The following PARP4 variants were observed in gnomAD, a reference collection of about 807,000 sequenced individuals.
The protein encoded by PARP4 is poly(ADP-ribose) polymerase family member 4.
A neutral mutation model predicts 187.7 loss-of-function variants in PARP4; 120 were observed. The ratio of observed to expected loss-of-function variants is 0.64; its 90% CI spans 0.55 to 0.74. The LOEUF (loss-of-function observed/expected upper bound fraction) is 0.74. Ranked by LOEUF, PARP4 falls within the 30% of genes least tolerant of loss-of-function variation. The pLI, the probability that PARP4 is intolerant of heterozygous loss-of-function variation, is 0.00. For missense variants in PARP4, 1,836 were observed against 2,070.5 expected, an observed-to-expected ratio of 0.89 and a Z score of 2.20; for synonymous variants, 654 against 740.9, an observed-to-expected ratio of 0.88 and a Z score of 1.90.
chr13:24,471,915 A>G (rs1226405923), intron 15 of PARP4, among the ~76,000 whole-genome samples: 1 of 152,218 alleles, frequency 6.6e-6, no homozygotes, highest in Admixed American at 6.5e-5. Flanking sequence ...CATTTTACAC[A>G]TGAGGAAAAC....
At position 24,477,667 on chromosome 13, in the gene PARP4, T is replaced by C. The variant is rs202159935; in HGVS notation, c.1789+34A>G. ...TAACATTTGAGGTCTATAAATATAA[T>C]AACATAAAACAGCATTCAAGAAAAT... On this transcript the variant is annotated intron_variant, in intron 14 of 33. Coordinates refer to ENST00000381989, the MANE Select transcript of PARP4 (RefSeq NM_006437.4). 2.0e-3 allele frequency: 2,442 copies of C among 1,230,922 alleles called. 11 individuals carry two copies. Among genetic ancestry groups the C allele is most frequent in the Middle Eastern group, 8.0e-3 (42 of 5,222 alleles). 76.2% of individuals were successfully genotyped at this position (1,230,922 alleles called of 1,614,324 possible). A position where few individuals can be genotyped will look rare whatever the true frequency, so the allele number is the denominator to read the frequency against.
chr13:24,462,829 A>C lies in PARP4; in HGVS notation c.2134-2693T>G, dbSNP rs1421651797. 3.9e-5 allele frequency among the ~76,000 whole-genome samples: 6 copies of C among 152,098 alleles called. No individual in the cohort carries two copies. The East Asian group carries it at 1.2e-3, about 29-fold the overall frequency. On this transcript the variant is annotated intron_variant, in intron 17 of 33. Transcript: ENST00000381989. ...GAATGAATGAACTTGAACCTAGGTC[A>C]ATAGAAATTATCCAAAATAAAATGC...
chr13:24,511,157 G>A (rs1202481775), intron 1 of PARP4, among the ~76,000 whole-genome samples: 1 of 152,170 alleles, frequency 6.6e-6, no homozygotes, highest in Non-Finnish European at 1.5e-5. Flanking sequence ...GGGAGGTATG[G>A]AAAGGCGCAC....
At position 24,477,687 on chromosome 13, in the gene PARP4, GA is replaced by G; in HGVS notation, c.1789+13del. ...TATAATAACATAAAACAGCATTCAA[GA>G]AAATTGTCCTACCTTCAACCTTTGA... On this transcript the variant is annotated intron_variant, in intron 14 of 33. Coordinates refer to ENST00000381989, the MANE Select transcript of PARP4 (RefSeq NM_006437.4). 1 of 1,462,976 alleles carries G rather than the reference GA, an allele frequency of 6.8e-7. No homozygotes were observed. Among genetic ancestry groups the G allele is most frequent in the Non-Finnish European group, 9.4e-7 (1 of 1,065,890 alleles). The allele number at this position is 1,462,976 out of a possible 1,614,324, so 90.6% of individuals were successfully genotyped here.
At chr13:24,511,101 T>C (rs1008638442) in intron 1 of PARP4, among the ~76,000 whole-genome samples, 1 of 152,120 alleles carries the variant, frequency 6.6e-6, no homozygotes, top group East Asian at 1.9e-4. Flanking sequence ...AGTAAAAACA[T>C]TTTAAACATA....
At chr13:24,488,355 T>C (rs1261298931) in intron 10 of PARP4, among the ~76,000 whole-genome samples, 1 of 152,150 alleles carries the variant, frequency 6.6e-6, no homozygotes, top group African/African-American at 2.4e-5. Flanking sequence ...AGAAGGCCTG[T>C]GGGAATGAAT....
intron 4 of PARP4, among the ~76,000 whole-genome samples, chr13:24,499,970 C>T (rs9581085): frequency 0.098 from 14,911 of 151,600 alleles, 809 homozygotes; most frequent in Non-Finnish European, 0.12. Context: ...TTTTTGAAAA[C>T]ATCAGGCAAA....
rs1870550499 is a variant in PARP4, at chr13:24,435,076, A to G, written c.4065T>C (p.Pro1355=). Residue 1355 remains proline, a synonymous_variant, in exon 31 of 34, where the codon CCT becomes CCC. Coordinates refer to ENST00000381989, the MANE Select transcript of PARP4 (RefSeq NM_006437.4). ...RQVASFGSAA[P]PRQFDASQFS... ...ATTGAGATGCATCAAACTGTCTGGG[A>G]GGAGCAGCTGAACCGAAACTAGCTA... 1 of 1,614,028 alleles carries G rather than the reference A, an allele frequency of 6.2e-7. No individual in the cohort carries two copies. Among genetic ancestry groups the G allele is most frequent in the African/African-American group, 1.3e-5 (1 of 74,930 alleles).
intron 30 of PARP4, 139 bp from the exon 31 acceptor site, chr13:24,435,613 G>A: frequency 1.1e-6 from 1 of 917,022 alleles, no homozygotes; most frequent in Non-Finnish European, 1.6e-6. Flanking sequence ...AATGTGAGCT[G>A]GGATGTTGAA....
intron 5 of PARP4, 64 bp from the exon 6 acceptor site, chr13:24,498,293 G>T: frequency 1.1e-6 from 1 of 888,304 alleles, no homozygotes; most frequent in Non-Finnish European, 1.8e-6. Flanking sequence ...TGTGCCATTT[G>T]AAAATGTTGA....
At chr13:24,464,135 A>G (rs1192838580) in intron 17 of PARP4, among the ~76,000 whole-genome samples, 2 of 152,216 alleles carry the variant, frequency 1.3e-5, no homozygotes, top group African/African-American at 4.8e-5. Flanking sequence ...CCACTGCTCA[A>G]GGAAATCAGA....
intron 12 of PARP4, among the ~76,000 whole-genome samples, chr13:24,479,256 A>G (rs1873140578): frequency 6.6e-6 from 1 of 151,608 alleles, no homozygotes; most frequent in South Asian, 2.1e-4. Context: ...TGTTTCACCT[A>G]CTGAAAAAAA....
intron 13 of PARP4, 60 bp from the exon 14 acceptor site, chr13:24,477,917 G>T: frequency 1.6e-6 from 2 of 1,271,994 alleles, no homozygotes; most frequent in Non-Finnish European, 1.1e-6. Flanking sequence ...ACCTGTATTG[G>T]CAGATGTTTT....
chr13:24,431,124 T>C (rs1396177535), intron 32 of PARP4, among the ~76,000 whole-genome samples: 1 of 152,216 alleles, frequency 6.6e-6, no homozygotes, highest in Non-Finnish European at 1.5e-5. Flanking sequence ...GTTAAGCTTC[T>C]GAGATTTTTT....
At position 24,459,270 on chromosome 13, in the gene PARP4, T is replaced by G. The variant is rs770098807; in HGVS notation, c.2339A>C (p.Lys780Thr). 1.5e-5 allele frequency: 23 copies of G among 1,583,338 alleles called. No homozygotes were observed. The highest frequency in any genetic ancestry group is 3.4e-4 in the Middle Eastern group (2 of 5,812). ...EKICIKEIGT[K>T]QSFSLTMSIE... The stretch of plus-strand genomic sequence containing the variant: ...TTATATTTTAGGTACTAACCTTTGC[T>G]TTGTTCCTATTTCTTTTATACAAAT... Residue 780 changes from lysine (K) to threonine (T), a missense_variant, in exon 19 of 34, where the codon AAG (lysine) becomes ACG (threonine). Transcript: ENST00000381989.
intron 7 of PARP4, 99 bp from the exon 8 acceptor site, chr13:24,493,832 T>C (rs970151806): frequency 2.0e-5 from 24 of 1,177,422 alleles, no homozygotes; most frequent in Non-Finnish European, 3.0e-5. Flanking sequence ...GAGAAATAAT[T>C]GATTAGAGCC....
chr13:24,471,771 G>A (rs1422114994), intron 15 of PARP4, among the ~76,000 whole-genome samples: 1 of 152,160 alleles, frequency 6.6e-6, no homozygotes, highest in Non-Finnish European at 1.5e-5. Flanking sequence ...CTAATCCCAA[G>A]TAAGGCATGG....
chr13:24,469,940 A>G lies in PARP4; in HGVS notation c.2000T>C (p.Val667Ala). 6.2e-7 allele frequency: 1 copy of G among 1,613,884 alleles called. No homozygotes were observed. The change falls in exon 16 of 34, where the codon GTG (valine) becomes GCG (alanine). Residue 667 changes from valine (V) to alanine (A), a missense_variant. Physicochemically the swap from Val to Ala is moderately conservative, Grantham distance 64. Transcript: ENST00000381989. Reference protein sequence around the residue: ...YIFPLDDKAAVCGFEAFINGK... With the variant: ...YIFPLDDKAAACGFEAFINGK... The stretch of plus-strand genomic sequence containing the variant: ...ATTGATGAAGGCTTCGAAGCCACAC[A>G]CAGCGGCCTTGTCATCCAAAGGAAA...
At chr13:24,439,613 G>C (rs1423581840) in intron 30 of PARP4, among the ~76,000 whole-genome samples, 5 of 152,140 alleles carry the variant, frequency 3.3e-5, no homozygotes, top group Non-Finnish European at 1.5e-5. Context: ...TTAGTGGCAC[G>C]AGGTACATTC....
Sources: allele counts gnomAD v4.1 joint callset (sites outside exome capture counted in the v4.1 genomes callset), GRCh38; gene constraint gnomAD v4.1.1; transcripts MANE v1.5; gene names NCBI Gene and HGNC (gene_info 2026-07-23, HGNC 2026-07-21).